ATL2: variants seen among roughly 807,000 people sequenced by gnomAD.
The protein encoded by ATL2 is atlastin GTPase 2.
A neutral mutation model predicts 73.9 loss-of-function variants in ATL2; 31 were observed. The ratio of observed to expected loss-of-function variants is 0.42; its 90% CI spans 0.32 to 0.57. The LOEUF (loss-of-function observed/expected upper bound fraction) is 0.57, where lower values mean the gene tolerates loss of function less well. Ranked by LOEUF, ATL2 falls within the 20% of genes least tolerant of loss-of-function variation. The probability of loss-of-function intolerance (pLI) is 0.14; values close to 1 mark genes in which losing one functional copy is unlikely to be tolerated. For synonymous variants in ATL2, 291 were observed against 237.5 expected (o/e 1.23, Z -2.07); for missense variants, 738 against 702.6 (o/e 1.05, Z -0.57).
chr2:38,333,562 A>G (rs557554123), intron 2 of ATL2, among the ~76,000 whole-genome samples: 1 of 152,230 alleles, frequency 6.6e-6, no homozygotes, highest in African/African-American at 2.4e-5. Flanking sequence ...CAGTTACTTT[A>G]GAAACAGTTA....
chr2:38,377,270 A>T lies in ATL2; in HGVS notation c.-10T>A, dbSNP rs776441361. The T allele has an allele frequency of 6.4e-7, 1 of 1,554,712 alleles. No homozygotes were observed. The highest frequency in any genetic ancestry group is 1.4e-5 in the African/African-American group (1 of 72,552). On this transcript the variant is annotated 5_prime_UTR_variant, in exon 1 of 13. Coordinates refer to ENST00000378954, the MANE Select transcript of ATL2 (RefSeq NM_001135673.4). Reference sequence around the variant, plus strand: ...CGTCCCCCTCCGCCATCTTGTACCGATTTAAAATTAACTCCCCACTGACGT... The same window carrying T: ...CGTCCCCCTCCGCCATCTTGTACCGTTTTAAAATTAACTCCCCACTGACGT...
At chr2:38,367,493 T>C (rs1040262665) in intron 1 of ATL2, among the ~76,000 whole-genome samples, 4 of 142,522 alleles carry the variant, frequency 2.8e-5, no homozygotes, top group African/African-American at 5.1e-5. Flanking sequence ...GTAGTCCCAG[T>C]TACTACAGAG....
At chr2:38,345,355 T>A (rs1669959443) in intron 1 of ATL2, among the ~76,000 whole-genome samples, 1 of 152,200 alleles carries the variant, frequency 6.6e-6, no homozygotes, top group Admixed American at 6.5e-5. Flanking sequence ...AAAGATTATA[T>A]AACTACATTA....
At position 38,355,317 on chromosome 2, in the gene ATL2, G is replaced by C. The variant is rs180880093; in HGVS notation, c.119-11805C>G. ...AACTTCTGTATTTTTAGTAGAGACA[G>C]GGTTTCATCACATTGGTCAGGCTGG... On this transcript the variant is annotated intron_variant, in intron 1 of 12. Transcript: ENST00000378954. 2.0e-4 allele frequency among the ~76,000 whole-genome samples: 30 copies of C among 152,226 alleles called. No homozygotes were observed. The East Asian group carries it at 5.4e-3, about 27-fold the overall frequency.
chr2:38,376,029 A>C, intron 1 of ATL2: 1 of 1,345,140 alleles, frequency 7.4e-7, no homozygotes, highest in Non-Finnish European at 9.7e-7. Flanking sequence ...TATCCAGCAA[A>C]ACCTTTACAC....
chr2:38,308,166 C>T (rs570308430), intron 9 of ATL2, among the ~76,000 whole-genome samples: 2 of 152,306 alleles, frequency 1.3e-5, no homozygotes, highest in East Asian at 1.9e-4. Flanking sequence ...ATGTTTACTG[C>T]AGCACTAGTC....
chr2:38,314,461 T>TA (rs1667921208), intron 6 of ATL2, 147 bp downstream of exon 6: 6 of 571,924 alleles, frequency 1.0e-5, no homozygotes, highest in Non-Finnish European at 1.3e-5. Flanking sequence ...ATGCTGATGA[T>TA]ACTACCAAAG....
intron 9 of ATL2, among the ~76,000 whole-genome samples, chr2:38,302,685 G>C (rs6749652): frequency 4.6e-5 from 7 of 151,938 alleles, no homozygotes; most frequent in Non-Finnish European, 8.8e-5. Context: ...GTAATCCAGG[G>C]AATTCTCCTG....
intron 3 of ATL2, 113 bp from the exon 4 acceptor site, chr2:38,318,752 T>A (rs1668164149): frequency 7.6e-7 from 1 of 1,311,194 alleles, no homozygotes; most frequent in African/African-American, 1.5e-5. Context: ...AGTACTTATA[T>A]CTCATACATT....
intron 1 of ATL2, among the ~76,000 whole-genome samples, chr2:38,372,126 T>C (rs553562139): frequency 8.4e-5 from 10 of 119,570 alleles, no homozygotes; most frequent in Admixed American, 7.5e-4. Context: ...GTTAATTGTT[T>C]TTTTTTTTTT....
chr2:38,298,793 T>A (rs368455828), intron 11 of ATL2, among the ~76,000 whole-genome samples: 1 of 152,178 alleles, frequency 6.6e-6, no homozygotes, highest in Non-Finnish European at 1.5e-5. Context: ...TAACGGAAAC[T>A]GAAGACAAAA....
chr2:38,356,784 G>T (rs1028149757), intron 1 of ATL2, among the ~76,000 whole-genome samples: 2 of 151,862 alleles, frequency 1.3e-5, no homozygotes, highest in African/African-American at 4.9e-5. Context: ...CATTCAAACT[G>T]CTTTAATACT....
At chr2:38,365,717 T>G (rs1297920645) in intron 1 of ATL2, among the ~76,000 whole-genome samples, 1 of 152,072 alleles carries the variant, frequency 6.6e-6, no homozygotes, top group Non-Finnish European at 1.5e-5. Context: ...GAGAATCACT[T>G]GAACCCTGGA....
intron 1 of ATL2, 33 bp downstream of exon 1, chr2:38,377,109 AG>A (rs1672024000): frequency 1.3e-6 from 2 of 1,592,100 alleles, no homozygotes; most frequent in East Asian, 4.6e-5. Flanking sequence ...TCTCCCCATC[AG>A]GGCCCCGCGG....
upstream of ATL2, chr2:38,377,358 G>A (rs1001346945): frequency 9.9e-7 from 1 of 1,006,696 alleles, no homozygotes; most frequent in Non-Finnish European, 1.4e-6. Flanking sequence ...GGGTCCTAGC[G>A]CCGCTCTCCG....
chr2:38,301,318 A>T (rs1323904962), intron 9 of ATL2, among the ~76,000 whole-genome samples: 1 of 152,220 alleles, frequency 6.6e-6, no homozygotes, highest in Non-Finnish European at 1.5e-5. Flanking sequence ...GGAAGGAGGC[A>T]GAGCAAGATG....
At chr2:38,334,903 T>A (rs1456339169) in intron 2 of ATL2, among the ~76,000 whole-genome samples, 1 of 106,910 alleles carries the variant, frequency 9.4e-6, no homozygotes, top group Non-Finnish European at 1.8e-5. Flanking sequence ...TATATATTAT[T>A]TATAATATAT....
At chr2:38,341,785 A>G (rs1669734709) in intron 2 of ATL2, among the ~76,000 whole-genome samples, 1 of 152,220 alleles carries the variant, frequency 6.6e-6, no homozygotes, top group Non-Finnish European at 1.5e-5. Context: ...ATCGCCATGA[A>G]AAAACTTTAC....
intron 1 of ATL2, among the ~76,000 whole-genome samples, chr2:38,362,103 A>G (rs916619239): frequency 2.0e-5 from 3 of 152,214 alleles, no homozygotes; most frequent in Non-Finnish European, 4.4e-5. Context: ...AGTATTAGCT[A>G]ATCGACTCTT....
Sources: gnomAD v4.1 joint callset for allele counts (sites outside exome capture counted in the v4.1 genomes callset) on GRCh38, gnomAD v4.1.1 for gene constraint, MANE v1.5 for transcripts, NCBI Gene and HGNC (gene_info 2026-07-23, HGNC 2026-07-21) for gene names.